Variants in MTA1 observed in about 807,000 individuals in gnomAD.
MTA1 encodes metastasis-associated protein MTA1.
MTA1 carries 15 observed loss-of-function variants against 97.0 expected under a neutral mutation model. The ratio of observed to expected loss-of-function variants is 0.15; its 90% CI spans 0.10 to 0.24. The LOEUF is 0.24. MTA1 is among the 10% of genes least tolerant of loss of function. The pLI is 1.00. For missense variants in MTA1, 709 were observed against 1,015.1 expected (o/e 0.70, Z 4.10); for synonymous variants, 435 against 417.5 (o/e 1.04, Z -0.51).
At chr14:105,436,858 C>A (rs2082340601) in intron 1 of MTA1, among the ~76,000 whole-genome samples, 1 of 152,224 alleles carries the variant, frequency 6.6e-6, no homozygotes, top group Admixed American at 6.5e-5. Context: ...ATGAAACCCA[C>A]CAATTTTGAG....
intron 16 of MTA1, 33 bp downstream of exon 16, chr14:105,465,216 T>A: frequency 6.8e-7 from 1 of 1,481,130 alleles, no homozygotes; most frequent in Non-Finnish European, 9.0e-7. Flanking sequence ...GGGCTCCCAA[T>A]GCTGCCTGCA....
chr14:105,466,605 G>A (rs1459408886), intron 17 of MTA1, 27 bp downstream of exon 17: 3 of 1,567,126 alleles, frequency 1.9e-6, no homozygotes, highest in East Asian at 4.7e-5. Context: ...CCCGGTGAGT[G>A]TGGCCCTCCC....
At chr14:105,449,709 T>G (rs2082849010) in intron 4 of MTA1, among the ~76,000 whole-genome samples, 1 of 152,060 alleles carries the variant, frequency 6.6e-6, no homozygotes, top group Non-Finnish European at 1.5e-5. Context: ...GCCTGGGCTC[T>G]TGGCAGCCGC....
Position 105,442,333 on chromosome 14 carries a change from G to A in MTA1, c.97-3085G>A, listed in dbSNP as rs143670918. On this transcript the variant is annotated intron_variant, in intron 2 of 20. Coordinates refer to ENST00000331320, the MANE Select transcript of MTA1 (RefSeq NM_004689.4). ...CTGAGGCCTTGGAGTGCACTCCTCCGCGCCTTTCCAACACGAGGGAGGCGC... is the reference window on the plus strand; with the variant it reads ...CTGAGGCCTTGGAGTGCACTCCTCCACGCCTTTCCAACACGAGGGAGGCGC... Among the ~76,000 whole-genome samples the A allele has an allele frequency of 3.5e-3, 533 of 152,296 alleles. 5 individuals carry two copies. The highest frequency in any genetic ancestry group is 0.012 in the African/African-American group (495 of 41,556).
At chr14:105,455,832 G>A (rs1419292699) in intron 7 of MTA1, among the ~76,000 whole-genome samples, 1 of 152,230 alleles carries the variant, frequency 6.6e-6, no homozygotes, top group Non-Finnish European at 1.5e-5. Flanking sequence ...ATCTCTCCAG[G>A]CAGACAGGGC....
Position 105,464,659 on chromosome 14 carries a change from C to T in MTA1, c.1345-15C>T, listed in dbSNP as rs781805015. On this transcript the variant is annotated splice_polypyrimidine_tract_variant and intron_variant, in intron 14 of 20. Coordinates refer to ENST00000331320, the MANE Select transcript of MTA1 (RefSeq NM_004689.4). ...TCATGGCGCTGTGTTGGGGCGGTTG[C>T]GCCCCCTTCCGCAGAGTCCCCACGG... The T allele has an allele frequency of 1.6e-5, 25 of 1,601,444 alleles. No homozygotes were observed. The highest frequency in any genetic ancestry group is 1.2e-4 in the Admixed American group (7 of 59,368).
chr14:105,468,626 C>T (rs782403612), intron 18 of MTA1, among the ~76,000 whole-genome samples: 8 of 152,196 alleles, frequency 5.3e-5, no homozygotes, highest in Non-Finnish European at 7.3e-5. Context: ...GGATGGGCCT[C>T]AGCTAAGCAG....
intron 16 of MTA1, chr14:105,466,146 G>A (rs782523333): frequency 1.7e-4 from 89 of 514,382 alleles, no homozygotes; most frequent in Non-Finnish European, 2.8e-4. Flanking sequence ...CTGTTGTCCC[G>A]GGGCTGAGGG....
intron 3 of MTA1, among the ~76,000 whole-genome samples, chr14:105,447,408 G>A (rs587687512): frequency 6.6e-6 from 1 of 152,332 alleles, no homozygotes; most frequent in East Asian, 1.9e-4. Context: ...TGTATCAGTG[G>A]TTTAGTGGTT....
At chr14:105,426,340 C>T (rs1470936961) in intron 1 of MTA1, among the ~76,000 whole-genome samples, 3 of 146,258 alleles carry the variant, frequency 2.1e-5, no homozygotes, top group Non-Finnish European at 3.0e-5. Flanking sequence ...CGCCACTGCA[C>T]TCCAGCCTGG....
intron 15 of MTA1, 34 bp downstream of exon 15, chr14:105,464,897 C>T: frequency 2.6e-6 from 4 of 1,527,776 alleles, no homozygotes; most frequent in Middle Eastern, 2.2e-4. Flanking sequence ...TACTCTGTTC[C>T]TGCGGGTGGT....
chr14:105,427,405 A>T (rs1246955497), intron 1 of MTA1, among the ~76,000 whole-genome samples: 1 of 152,212 alleles, frequency 6.6e-6, no homozygotes, highest in Non-Finnish European at 1.5e-5. Flanking sequence ...GAGGTGCCGC[A>T]GTGCTGTTGA....
In MTA1 at chr14:105,469,489, C is replaced by T. The variant is rs368216740; in HGVS notation, c.1836C>T (p.Ala612=). 2 of 1,612,812 alleles carry T rather than the reference C, an allele frequency of 1.2e-6. No individual in the cohort carries two copies. The highest frequency in any genetic ancestry group is 1.7e-6 in the Non-Finnish European group (2 of 1,179,770). Reference sequence around the variant, plus strand: ...CAGGTCTGGCAAACCACGGACAGGCCAGGCACATGGTAAGAGGAACAACCC... The same window carrying T: ...CAGGTCTGGCAAACCACGGACAGGCTAGGCACATGGTAAGAGGAACAACCC... ...PSRGLANHGQ[A]RHMGPSRNLL... The change falls in exon 19 of 21, where the codon GCC becomes GCT. Residue 612 remains alanine (A), a synonymous_variant. Coordinates refer to ENST00000331320, the MANE Select transcript of MTA1 (RefSeq NM_004689.4).
At chr14:105,454,413 A>C in intron 7 of MTA1, 103 bp downstream of exon 7, 1 of 825,488 alleles carries the variant, frequency 1.2e-6, no homozygotes, top group Non-Finnish European at 2.1e-6. Flanking sequence ...TCAGTGATTC[A>C]TGTGTGACTG....
intron 7 of MTA1, 61 bp from the exon 8 acceptor site, chr14:105,458,209 G>A (rs2083225521): frequency 2.1e-6 from 3 of 1,446,082 alleles, no homozygotes; most frequent in Non-Finnish European, 2.9e-6. Flanking sequence ...CCGGGGAGGA[G>A]AGGCGCGGCC....
At chr14:105,465,018 C>A in intron 15 of MTA1, 76 bp from the exon 16 acceptor site, 6 of 1,436,536 alleles carry the variant, frequency 4.2e-6, no homozygotes, top group Non-Finnish European at 5.5e-6. Context: ...AGTGAGGGCT[C>A]CCAGGTCAAG....
At chr14:105,465,030 C>T (rs1424862028) in intron 15 of MTA1, 64 bp from the exon 16 acceptor site, 45 of 1,446,254 alleles carry the variant, frequency 3.1e-5, no homozygotes, top group African/African-American at 4.2e-5. Flanking sequence ...CAGGTCAAGG[C>T]GCAGGCAGGG....
At chr14:105,451,783 GTT>G (rs869240296) in intron 6 of MTA1, among the ~76,000 whole-genome samples, 29 of 31,396 alleles carry the variant, frequency 9.2e-4, no homozygotes, top group East Asian at 2.4e-3. Context: ...TTCTTTTTTT[GTT>G]TTTTTTTTTT....
Position 105,465,007 on chromosome 14 carries a change from C to T in MTA1, c.1535-87C>T. 3 of 1,427,884 alleles carry T rather than the reference C, an allele frequency of 2.1e-6. No homozygotes were observed. In the African/African-American group the frequency reaches 4.3e-5, roughly 20 times the overall value. 88.5% of individuals were successfully genotyped at this position (1,427,884 alleles called of 1,614,324 possible). The stretch of plus-strand genomic sequence containing the variant: ...TCCTCGGTGCTGACATGGCCGAGCC[C>T]AGTGAGGGCTCCCAGGTCAAGGCGC... On this transcript the variant is annotated intron_variant, in intron 15 of 20. Coordinates refer to ENST00000331320, the MANE Select transcript of MTA1 (RefSeq NM_004689.4).
Sources: allele counts gnomAD v4.1 joint callset (sites outside exome capture counted in the v4.1 genomes callset), GRCh38; gene constraint gnomAD v4.1.1; transcripts MANE v1.5; gene names NCBI Gene and HGNC (gene_info 2026-07-23, HGNC 2026-07-21).